Variants in ARL10 observed in about 807,000 individuals in gnomAD.
ARL10 encodes the protein ADP-ribosylation factor-like protein 10.
ARL10 carries 23 observed loss-of-function variants against 26.1 expected under a neutral mutation model. That is an observed-to-expected ratio of 0.88 (90% CI 0.63 to 1.25). The LOEUF (loss-of-function observed/expected upper bound fraction) is 1.25, where lower values mean the gene tolerates loss of function less well. ARL10 is among the 50% of genes most tolerant of loss of function. The pLI, the probability that ARL10 is intolerant of heterozygous loss-of-function variation, is 0.00. For synonymous variants in ARL10, 138 were observed against 149.1 expected (o/e 0.93, Z 0.54); for missense variants, 300 against 323.6 (o/e 0.93, Z 0.56).
At chr5:176,398,335 T>C (rs968220437) in intron 1 of ARL10, among the ~76,000 whole-genome samples, 3 of 152,218 alleles carry the variant, frequency 2.0e-5, no homozygotes, top group Admixed American at 1.3e-4. Context: ...AGAAAGCGTG[T>C]GCCAGCCACT....
At chr5:176,387,739 T>C (rs549195963) in intron 1 of ARL10, among the ~76,000 whole-genome samples, 3 of 152,260 alleles carry the variant, frequency 2.0e-5, no homozygotes, top group South Asian at 2.1e-4. Flanking sequence ...CTGCCTCTAC[T>C]AAAACCACAA....
At chr5:176,385,370 G>T (rs757470316), downstream of ARL10, 5 of 1,181,418 alleles carry the variant, frequency 4.2e-6, no homozygotes, top group Admixed American at 1.7e-5. Context: ...ATGAGGCTTT[G>T]CTTTCTGTGC....
At chr5:176,386,915 G>T in intron 1 of ARL10, 1 of 1,613,672 alleles carries the variant, frequency 6.2e-7, no homozygotes, top group South Asian at 1.1e-5. Flanking sequence ...TTCACCTGCA[G>T]AGAACAGAGC....
At chr5:176,413,024 A>G in the ARL10 span, among the ~76,000 whole-genome samples, 1 of 152,092 alleles carries the variant, frequency 6.6e-6, no homozygotes, top group East Asian at 1.9e-4. Context: ...GTCTACCCTG[A>G]CCTTCAGAAA....
At chr5:176,389,526 A>C (rs1456241960), downstream of ARL10, 1 of 1,588,358 alleles carries the variant, frequency 6.3e-7, no homozygotes, top group South Asian at 1.1e-5. Flanking sequence ...AAAGCTCCGC[A>C]GAAATGATTC....
At position 176,397,887 on chromosome 5, in the gene ARL10, C is replaced by T. The variant is rs377430956; in HGVS notation, c.134-3854C>T. 44 of 1,566,976 alleles carry T rather than the reference C, an allele frequency of 2.8e-5. No individual in the cohort carries two copies. The African/African-American group carries it at 5.0e-4, about 18-fold the overall frequency. On this transcript the variant is annotated intron_variant, in intron 1 of 1. Transcript: ENST00000514533. ...CGAGGACTCCCCACACTCCACCCCACACACAGCCCACCCAGCCAACCCCGC... is the reference window on the plus strand; with the variant it reads ...CGAGGACTCCCCACACTCCACCCCATACACAGCCCACCCAGCCAACCCCGC...
intron 1 of ARL10, among the ~76,000 whole-genome samples, chr5:176,394,546 G>A (rs909957020): frequency 2.5e-4 from 38 of 151,760 alleles, no homozygotes; most frequent in Admixed American, 1.1e-3. Flanking sequence ...GGCCAGGCGC[G>A]GTGGCTCATG....
In ARL10 at chr5:176,373,113, T is replaced by G. The variant is rs575955622; in HGVS notation, c.*1218T>G. On this transcript the variant is annotated 3_prime_UTR_variant, in exon 4 of 4. Coordinates refer to ENST00000310389, the MANE Select transcript of ARL10 (RefSeq NM_173664.6). The stretch of plus-strand genomic sequence containing the variant: ...ATAAGAAATGACTCTGGGAGAGGAT[T>G]TCCCTTATGTGAATCTAGGTAAAAA... 53 of 398,568 alleles carry G rather than the reference T, an allele frequency of 1.3e-4. No homozygotes were observed. Among genetic ancestry groups the G allele is most frequent in the Admixed American group, 1.3e-4 (3 of 22,728 alleles). The allele number at this position is 398,568 out of a possible 1,614,324, so 24.7% of individuals were successfully genotyped here. A position where few individuals can be genotyped will look rare whatever the true frequency, so the allele number is the denominator to read the frequency against.
At position 176,378,950 on chromosome 5, in the gene ARL10, G is replaced by C. The variant is rs1755484776; in HGVS notation, c.*7055G>C. ...TTGGTCTACTTGCTGAAAAATGCTG[G>C]GTTTGACTGGAATTTAATAGACTTT... is the stretch of plus-strand genomic sequence containing the variant. On this transcript the variant is annotated 3_prime_UTR_variant, in exon 4 of 4. Transcript: ENST00000310389. The C allele has an allele frequency of 6.6e-6, 1 of 151,898 alleles. No individual in the cohort carries two copies. The highest frequency in any genetic ancestry group is 6.6e-5 in the Admixed American group (1 of 15,234). The allele number at this position is 151,898 out of a possible 1,614,324, so 9.4% of individuals were successfully genotyped here.
intron 1 of ARL10, chr5:176,396,351 C>T: frequency 1.2e-6 from 1 of 852,762 alleles, no homozygotes; most frequent in South Asian, 1.4e-5. Flanking sequence ...AGGGCATTTG[C>T]CTCCTGTTCT....
Position 176,393,779 on chromosome 5 carries a change from G to A in ARL10, c.134-7962G>A, listed in dbSNP as rs1191240041. The stretch of plus-strand genomic sequence containing the variant: ...AGAAGCCACTGACTAAGGGACAGTG[G>A]GGAAACAAGTAAATACAGTCTAGTG... On this transcript the variant is annotated intron_variant, in intron 1 of 1. Transcript: ENST00000514533. The surrounding 1 kb of genome is among the most constrained non-coding windows in gnomAD (Gnocchi z 4.4). Among the ~76,000 whole-genome samples the A allele has an allele frequency of 6.6e-6, 1 of 152,190 alleles. No individual in the cohort carries two copies. Among genetic ancestry groups the A allele is most frequent in the African/African-American group, 2.4e-5 (1 of 41,444 alleles).
rs1755897881 is a variant in ARL10 at position 176,386,980 on chromosome 5, C to T, written c.37-1315C>T. ...GAAAGTTATAGACTCCTGCTTATCC[C>T]AACACAACTACTAACCCATAAGAAT... On this transcript the variant is annotated intron_variant, in intron 1 of 1. Transcript: ENST00000503175. 4 of 1,321,048 alleles carry T rather than the reference C, an allele frequency of 3.0e-6. No homozygotes were observed. The East Asian group carries it at 9.2e-5, about 30-fold the overall frequency. 81.8% of individuals were successfully genotyped at this position (1,321,048 alleles called of 1,614,324 possible).
downstream of ARL10, chr5:176,389,245 T>C (rs968157068): frequency 4.1e-6 from 6 of 1,470,272 alleles, no homozygotes; most frequent in African/African-American, 1.4e-5. Context: ...TCCAGAGATC[T>C]TGGCTTTGGG....
At chr5:176,411,201 C>T in the ARL10 span, among the ~76,000 whole-genome samples, 3 of 152,314 alleles carry the variant, frequency 2.0e-5, no homozygotes, top group African/African-American at 4.8e-5. Context: ...AGAAAGACAA[C>T]GACTGCATGG....
intron 1 of ARL10, among the ~76,000 whole-genome samples, chr5:176,396,894 C>T (rs1291657521): frequency 2.0e-5 from 3 of 152,116 alleles, no homozygotes; most frequent in Admixed American, 2.0e-4. Flanking sequence ...CCCCTGTTGC[C>T]TAATACATCA....
the ARL10 span, among the ~76,000 whole-genome samples, chr5:176,414,606 C>T: frequency 1.6e-3 from 237 of 152,138 alleles, 2 homozygotes; most frequent in African/African-American, 5.5e-3. Context: ...CCATGCCTGG[C>T]TAATTTTTGT....
At chr5:176,394,560 G>A (rs1025931084) in intron 1 of ARL10, among the ~76,000 whole-genome samples, 4 of 151,930 alleles carry the variant, frequency 2.6e-5, no homozygotes, top group Non-Finnish European at 4.4e-5. Flanking sequence ...GCTCATGCCT[G>A]TAATCCCAGC....
At chr5:176,411,563 C>T in the ARL10 span, among the ~76,000 whole-genome samples, 1 of 152,212 alleles carries the variant, frequency 6.6e-6, no homozygotes, top group Non-Finnish European at 1.5e-5. Context: ...AGCGCACTTA[C>T]TACAGCCTGC....
At chr5:176,409,107 G>A in the ARL10 span, among the ~76,000 whole-genome samples, 1 of 152,126 alleles carries the variant, frequency 6.6e-6, no homozygotes, top group South Asian at 2.1e-4. Flanking sequence ...CTCCCAAGTA[G>A]TTAGGATTAT....
Sources: allele counts gnomAD v4.1 joint callset (sites outside exome capture counted in the v4.1 genomes callset), GRCh38; gene constraint gnomAD v4.1.1; non-coding constraint Gnocchi (gnomAD v3.1); transcripts MANE v1.5; gene names NCBI Gene and HGNC (gene_info 2026-07-23, HGNC 2026-07-21).